The following TOM1 variants were observed in gnomAD, a reference collection of about 807,000 sequenced individuals.
TOM1 encodes target of Myb protein 1.
In TOM1, 38 loss-of-function variants were observed where a neutral mutation model predicts 61.3. That is an observed-to-expected ratio of 0.62 (90% CI 0.48 to 0.81). The LOEUF (loss-of-function observed/expected upper bound fraction) is 0.81, where lower values mean the gene tolerates loss of function less well. Among genes scored for constraint, TOM1 ranks in the 40% least tolerant of loss-of-function variants. The pLI is 0.00. For synonymous variants in TOM1, 270 were observed against 268.8 expected (o/e 1.00, Z -0.04); for missense variants, 591 against 659.6 (o/e 0.90, Z 1.14).
chr22:35,312,788 G>A (rs974360071), intron 1 of TOM1, among the ~76,000 whole-genome samples: 4 of 152,206 alleles, frequency 2.6e-5, no homozygotes, highest in African/African-American at 9.7e-5. Context: ...ATAGAGGAAG[G>A]GGGTACAGCT....
At position 35,323,536 on chromosome 22, in the gene TOM1, G is replaced by A. The variant is rs1039421742; in HGVS notation, c.407G>A (p.Gly136Asp). The change falls in exon 5 of 15, where the codon GGT (glycine) becomes GAT (aspartate). Residue 136 changes from glycine to aspartate, a missense_variant. Gly to Asp is a moderately conservative substitution (Grantham distance 94). Transcript: ENST00000449058. The surrounding 1 kb of genome is among the most constrained non-coding windows in gnomAD (Gnocchi z 4.2). ...DAFRSSPDLTGVVTIYEDLRR... is the reference protein window; with the variant it reads ...DAFRSSPDLTDVVTIYEDLRR... ...TTCCGCAGCTCGCCCGATCTGACAG[G>A]TGTGGTCACCATCTATGAGGACCTG... 1 of 1,614,182 alleles carries A rather than the reference G, an allele frequency of 6.2e-7. No homozygotes were observed. Among genetic ancestry groups the A allele is most frequent in the South Asian group, 1.1e-5 (1 of 91,082 alleles).
intron 2 of TOM1, among the ~76,000 whole-genome samples, chr22:35,318,943 G>A (rs1927539644): frequency 6.6e-6 from 1 of 152,234 alleles, no homozygotes; most frequent in Non-Finnish European, 1.5e-5. Context: ...GCAGGTGGAG[G>A]GCAGGGAGTG....
intron 12 of TOM1, among the ~76,000 whole-genome samples, chr22:35,342,968 ACAC>A (rs1306862225): frequency 1.3e-5 from 1 of 77,250 alleles, no homozygotes; most frequent in East Asian, 4.8e-4. Context: ...TACACACACC[ACAC>A]CTACACACTC....
intron 1 of TOM1, among the ~76,000 whole-genome samples, chr22:35,313,061 C>T (rs1372298929): frequency 3.3e-5 from 5 of 152,054 alleles, no homozygotes; most frequent in Admixed American, 6.6e-5. Context: ...TGATACTGGC[C>T]GGACACAGTG....
intron 2 of TOM1, chr22:35,318,289 A>C: frequency 2.5e-6 from 1 of 397,220 alleles, no homozygotes; most frequent in Non-Finnish European, 4.6e-6. Flanking sequence ...TCAGAAGTTG[A>C]CCCCAAGCGC....
At chr22:35,302,578 C>T (rs1217874592) in intron 1 of TOM1, among the ~76,000 whole-genome samples, 2 of 152,116 alleles carry the variant, frequency 1.3e-5, no homozygotes, top group African/African-American at 4.8e-5. Flanking sequence ...GTGACCCACC[C>T]ACCTCAGCCT....
rs143977846 is a variant in TOM1 at position 35,323,126 on chromosome 22, C to T, written c.315C>T (p.Pro105=). ...VESVLVRTIL[P]KNNPPTIVHD... The stretch of plus-strand genomic sequence containing the variant: ...GTGTGCTGGTGAGGACCATCCTGCC[C>T]AAGAACAACCCACCCACCATCGTGC... The change falls in exon 4 of 15, where the codon CCC becomes CCT. Residue 105 remains proline, a synonymous_variant. Coordinates refer to ENST00000449058, the MANE Select transcript of TOM1 (RefSeq NM_005488.3). The surrounding 1 kb of genome is among the most constrained non-coding windows in gnomAD (Gnocchi z 4.2). 1.2e-4 allele frequency: 186 copies of T among 1,614,144 alleles called. No homozygotes were observed. In the South Asian group the frequency reaches 1.9e-3, roughly 17 times the overall value.
At chr22:35,327,473 T>C (rs905517836) in intron 7 of TOM1, 86 bp downstream of exon 7, 8 of 936,222 alleles carry the variant, frequency 8.5e-6, no homozygotes, top group Admixed American at 2.0e-5. Flanking sequence ...CATGACAGTC[T>C]TCATGGCTTA....
intron 1 of TOM1, among the ~76,000 whole-genome samples, chr22:35,308,996 ATTCC>A (rs1275809358): frequency 6.6e-6 from 1 of 152,196 alleles, no homozygotes; most frequent in Non-Finnish European, 1.5e-5. Flanking sequence ...GGAAAGAGTT[ATTCC>A]TTTGGAAAAT....
rs781462062 is a variant in TOM1, at chr22:35,323,007, C to A, written c.217-21C>A. 1.9e-6 allele frequency: 3 copies of A among 1,612,734 alleles called. No individual in the cohort carries two copies. In the African/African-American group the frequency reaches 4.0e-5, roughly 22 times the overall value. On this transcript the variant is annotated intron_variant, in intron 3 of 14. Coordinates refer to ENST00000449058, the MANE Select transcript of TOM1 (RefSeq NM_005488.3). This position sits in a 1 kb window ranked among gnomAD's most constrained non-coding sequence, Gnocchi z 4.2. ...CCTCTCCTCTGACCAAGGTGCTCGA[C>A]GGCACCTCTCGGCCCTCCAGGTCTT...
chr22:35,330,565 A>G (rs1467597740), intron 8 of TOM1, 85 bp downstream of exon 8: 4 of 1,346,298 alleles, frequency 3.0e-6, no homozygotes, highest in Admixed American at 2.3e-5. Context: ...GTCTCATGCC[A>G]TCTGAGCCTT....
rs149508752 is a variant in TOM1 at position 35,323,055 on chromosome 22, G to A, written c.244G>A (p.Gly82Arg). Residue 82 changes from glycine (G) to arginine (R), a missense_variant, in exon 4 of 15, where the codon GGG (glycine) becomes AGG (arginine). Coordinates refer to ENST00000449058, the MANE Select transcript of TOM1 (RefSeq NM_005488.3). This position sits in a 1 kb window ranked among gnomAD's most constrained non-coding sequence, Gnocchi z 4.2. ...CTTAGAAACCTGTGTCAAGAACTGC[G>A]GGCACCGCTTCCACGTGCTGGTGGC... is the stretch of plus-strand genomic sequence containing the variant. ...TVLETCVKNC[G>R]HRFHVLVASQ... 50 of 1,614,122 alleles carry A rather than the reference G, an allele frequency of 3.1e-5. No homozygotes were observed. The South Asian group carries it at 3.4e-4, about 11-fold the overall frequency.
intron 12 of TOM1, among the ~76,000 whole-genome samples, chr22:35,339,990 TTGAG>T (rs1012161285): frequency 6.6e-6 from 1 of 152,120 alleles, no homozygotes; most frequent in African/African-American, 2.4e-5. Flanking sequence ...TGACTGTGTG[TTGAG>T]TGACAGCCAC....
intron 8 of TOM1, chr22:35,331,605 T>TG (rs1166531600): frequency 4.2e-6 from 1 of 237,852 alleles, no homozygotes; most frequent in Non-Finnish European, 8.6e-6. Flanking sequence ...GGAGAAGGGC[T>TG]GGGCGCAGTG....
At chr22:35,342,625 G>A (rs180715835) in intron 12 of TOM1, among the ~76,000 whole-genome samples, 14 of 151,882 alleles carry the variant, frequency 9.2e-5, no homozygotes, top group Admixed American at 2.0e-4. Context: ...TACCCAGGGC[G>A]CTGGCATCCC....
At chr22:35,310,904 G>A (rs1283883816) in intron 1 of TOM1, among the ~76,000 whole-genome samples, 1 of 152,212 alleles carries the variant, frequency 6.6e-6, no homozygotes, top group East Asian at 1.9e-4. Context: ...TTAGAGTTGT[G>A]GTCTGTGGAA....
chr22:35,315,072 T>C (rs1470851879), intron 1 of TOM1, among the ~76,000 whole-genome samples: 2 of 152,106 alleles, frequency 1.3e-5, no homozygotes, highest in African/African-American at 4.8e-5. Context: ...GGAAGGACAC[T>C]GTCATTTTCA....
At chr22:35,322,865 TG>T in intron 3 of TOM1, 162 bp from the exon 4 acceptor site, 1 of 846,344 alleles carries the variant, frequency 1.2e-6, no homozygotes, top group Non-Finnish European at 1.8e-6. Flanking sequence ...CCCCCAGTCC[TG>T]GCATTGTCCC....
chr22:35,299,837 G>C, upstream of TOM1: 5 of 1,446,204 alleles, frequency 3.5e-6, no homozygotes, highest in African/African-American at 4.3e-5. Context: ...ACGCCTCCTC[G>C]CCGGCCTCCG....
Sources: allele counts gnomAD v4.1 joint callset (sites outside exome capture counted in the v4.1 genomes callset), GRCh38; gene constraint gnomAD v4.1.1; non-coding constraint Gnocchi (gnomAD v3.1); transcripts MANE v1.5; gene names NCBI Gene and HGNC (gene_info 2026-07-23, HGNC 2026-07-21).